Variants in RIC1 observed in about 807,000 individuals in gnomAD.
RIC1 encodes the protein guanine nucleotide exchange factor subunit RIC1.
Under a neutral mutation model 169.0 loss-of-function variants are expected in RIC1, and 88 were observed. The ratio of observed to expected loss-of-function variants is 0.52; its 90% CI spans 0.44 to 0.62. RIC1 has a LOEUF of 0.62. Among genes scored for constraint, RIC1 ranks in the 20% least tolerant of loss-of-function variants. RIC1 has a pLI of 0.00. For missense variants in RIC1, 1,877 were observed against 1,725.5 expected (o/e 1.09, Z -1.56); for synonymous variants, 790 against 601.5 (o/e 1.31, Z -4.59).
At chr9:5,732,603 G>A (rs2130926710) in intron 7 of RIC1, 124 bp downstream of exon 7, 1 of 542,724 alleles carries the variant, frequency 1.8e-6, no homozygotes, top group Non-Finnish European at 3.2e-6. Context: ...TAATTTATCA[G>A]TCAACCTTAA....
intron 2 of RIC1, among the ~76,000 whole-genome samples, chr9:5,664,717 G>A (rs572864678): frequency 1.1e-4 from 17 of 152,214 alleles, no homozygotes; most frequent in African/African-American, 3.1e-4. Flanking sequence ...TTCCAACTTC[G>A]TTCCATTCTC....
At chr9:5,647,978 TG>T (rs1488568957) in intron 1 of RIC1, among the ~76,000 whole-genome samples, 15 of 71,266 alleles carry the variant, frequency 2.1e-4, no homozygotes, top group Admixed American at 9.6e-4. Flanking sequence ...GTGGTGATGG[TG>T]GTGGTGGTGG....
intron 6 of RIC1, among the ~76,000 whole-genome samples, chr9:5,729,523 A>T (rs1378109690): frequency 6.6e-6 from 1 of 152,136 alleles, no homozygotes; most frequent in East Asian, 1.9e-4. Flanking sequence ...AAATTTTCTA[A>T]TGCCGCCTCC....
intron 1 of RIC1, among the ~76,000 whole-genome samples, chr9:5,634,085 AT>A (rs563429751): frequency 8.7e-4 from 132 of 152,126 alleles, no homozygotes; most frequent in African/African-American, 3.0e-3. Context: ...GCTGAATAAT[AT>A]TTTATGTGTG....
rs750588949 is a variant in RIC1 at position 5,763,887 on chromosome 9, T to C, written c.2841+19T>C. ...CTTACAGGTAACAATTCTCTTCTTA[T>C]AAAGGGGCAAGAATTAATGAGCTTA... On this transcript the variant is annotated intron_variant, in intron 19 of 25. Transcript: ENST00000414202. This position sits in a 1 kb window ranked among gnomAD's most constrained non-coding sequence, Gnocchi z 5.2. 3 of 1,587,108 alleles carry C rather than the reference T, an allele frequency of 1.9e-6. No homozygotes were observed. Among genetic ancestry groups the C allele is most frequent in the South Asian group, 2.3e-5 (2 of 87,564 alleles).
chr9:5,769,338 T>G, intron 22 of RIC1, 82 bp downstream of exon 22: 1 of 1,613,534 alleles, frequency 6.2e-7, no homozygotes, highest in Non-Finnish European at 8.5e-7. Flanking sequence ...TAGTTGATAT[T>G]CAAGGAATTA....
At chr9:5,659,547 C>G (rs888627370) in intron 2 of RIC1, among the ~76,000 whole-genome samples, 1 of 152,080 alleles carries the variant, frequency 6.6e-6, no homozygotes, top group Non-Finnish European at 1.5e-5. Context: ...AACTGGTTTT[C>G]TATTTCTGTA....
chr9:5,653,971 G>C (rs10975212), intron 1 of RIC1, among the ~76,000 whole-genome samples: 49,822 of 151,968 alleles, frequency 0.33, 8,712 homozygotes, highest in East Asian at 0.58. Flanking sequence ...TAAACGTATT[G>C]TGTTACATAG....
At chr9:5,726,305 C>T (rs13301096) in intron 6 of RIC1, among the ~76,000 whole-genome samples, 2,968 of 152,170 alleles carry the variant, frequency 0.02, 35 homozygotes, top group Non-Finnish European at 0.024. Flanking sequence ...TAGCATTATG[C>T]AATGGCCTTC....
At chr9:5,633,636 C>T (rs890405428) in intron 1 of RIC1, among the ~76,000 whole-genome samples, 7 of 151,952 alleles carry the variant, frequency 4.6e-5, no homozygotes, top group Non-Finnish European at 8.8e-5. Flanking sequence ...GTGTGCTGTG[C>T]GATACTTAGA....
intron 2 of RIC1, among the ~76,000 whole-genome samples, chr9:5,684,964 A>G (rs973327802): frequency 6.6e-6 from 1 of 151,750 alleles, no homozygotes; most frequent in Non-Finnish European, 1.5e-5. Flanking sequence ...GGTAAATTAC[A>G]TGTATTTAAT....
chr9:5,677,196 T>C (rs966709137), intron 2 of RIC1, among the ~76,000 whole-genome samples: 1 of 152,222 alleles, frequency 6.6e-6, no homozygotes, highest in African/African-American at 2.4e-5. Context: ...TGGTAGGGTA[T>C]GCCTTTTTAA....
chr9:5,692,165 T>C (rs978565348), intron 3 of RIC1, among the ~76,000 whole-genome samples: 2 of 152,176 alleles, frequency 1.3e-5, no homozygotes, highest in Middle Eastern at 3.4e-3. Context: ...TGTGCATTGC[T>C]TTAGAGCAGT....
chr9:5,629,996 CT>C (rs1487103184), intron 1 of RIC1, among the ~76,000 whole-genome samples: 1 of 152,224 alleles, frequency 6.6e-6, no homozygotes, highest in Non-Finnish European at 1.5e-5. Context: ...TAACTCCCCT[CT>C]TTAACCCCAA....
Position 5,769,112 on chromosome 9 carries a change from C to T in RIC1, c.3280C>T (p.Leu1094=), listed in dbSNP as rs776016762. ...AQLGFELISW[L]CKERTRAARV... ...GCTGGGCTTTGAACTAATTAGTTGG[C>T]TATGCAAGGAACGTACCCGAGCCGC... Residue 1094 remains leucine, a synonymous_variant, in exon 22 of 26, where the codon CTA becomes TTA. Transcript: ENST00000414202. 2.5e-6 allele frequency: 4 copies of T among 1,614,064 alleles called. No individual in the cohort carries two copies. Among genetic ancestry groups the T allele is most frequent in the South Asian group, 2.2e-5 (2 of 91,080 alleles).
At chr9:5,673,006 G>A (rs747190927) in intron 2 of RIC1, among the ~76,000 whole-genome samples, 3 of 152,032 alleles carry the variant, frequency 2.0e-5, no homozygotes, top group Non-Finnish European at 2.9e-5. Flanking sequence ...AATTTATTTC[G>A]TTTAATAAGG....
At chr9:5,700,882 C>T (rs1340941054) in intron 3 of RIC1, among the ~76,000 whole-genome samples, 2 of 152,184 alleles carry the variant, frequency 1.3e-5, no homozygotes, top group Non-Finnish European at 2.9e-5. Context: ...TTCACAAAGA[C>T]AACTGCAAGT....
rs1049981012 is a variant in RIC1 at position 5,772,505 on chromosome 9, T to C, written c.3617-59T>C. 1.2e-5 allele frequency: 17 copies of C among 1,375,984 alleles called. No homozygotes were observed. In the African/African-American group the frequency reaches 1.9e-4, roughly 15 times the overall value. 85.2% of individuals were successfully genotyped at this position (1,375,984 alleles called of 1,614,324 possible). ...CTGAGGAACAGCTAATATTTAAAAT[T>C]AAAGGAAAATATATTTTCTCCACGA... is the stretch of plus-strand genomic sequence containing the variant. On this transcript the variant is annotated intron_variant, in intron 23 of 25. Coordinates refer to ENST00000414202, the MANE Select transcript of RIC1 (RefSeq NM_020829.4).
intron 2 of RIC1, among the ~76,000 whole-genome samples, chr9:5,686,776 A>T (rs1423406055): frequency 6.7e-6 from 1 of 149,870 alleles, no homozygotes; most frequent in Non-Finnish European, 1.5e-5. Flanking sequence ...TTAAAGTATA[A>T]TAATAAAAAA....
Sources: allele counts gnomAD v4.1 joint callset (sites outside exome capture counted in the v4.1 genomes callset), GRCh38; gene constraint gnomAD v4.1.1; non-coding constraint Gnocchi (gnomAD v3.1); transcripts MANE v1.5; gene names NCBI Gene and HGNC (gene_info 2026-07-23, HGNC 2026-07-21).